The following AKAP6 variants were observed in gnomAD, a reference collection of about 807,000 sequenced individuals.
AKAP6 encodes A-kinase anchoring protein 6, also known as A-kinase anchor protein 6.
AKAP6 carries 58 observed loss-of-function variants against 188.5 expected under a neutral mutation model. That is an observed-to-expected ratio of 0.31 (90% confidence interval 0.25 to 0.38). The LOEUF is 0.38. AKAP6 is among the 10% of genes least tolerant of loss of function. The probability of loss-of-function intolerance (pLI) is 1.00; values close to 1 mark genes in which losing one functional copy is unlikely to be tolerated. For synonymous variants in AKAP6, 989 were observed against 998.6 expected (o/e 0.99, Z 0.18); for missense variants, 2,710 against 2,740.0 (o/e 0.99, Z 0.24).
intron 8 of AKAP6, among the ~76,000 whole-genome samples, chr14:32,683,718 T>C (rs1426460737): frequency 6.6e-6 from 1 of 152,202 alleles, no homozygotes; most frequent in African/African-American, 2.4e-5. Flanking sequence ...GAGGAGGCAG[T>C]GTGTGCAAAC....
intron 13 of AKAP6, among the ~76,000 whole-genome samples, chr14:32,828,957 G>C (rs1157409266): frequency 1.3e-5 from 2 of 152,154 alleles, no homozygotes; most frequent in Non-Finnish European, 1.5e-5. Context: ...GCAAGACAAA[G>C]AGCATATTCG....
chr14:32,552,229 A>T (rs1883507662), intron 4 of AKAP6, among the ~76,000 whole-genome samples: 1 of 152,228 alleles, frequency 6.6e-6, no homozygotes, highest in South Asian at 2.1e-4. Flanking sequence ...ACAGCTAATA[A>T]GTTACAGAGC....
chr14:32,595,184 G>A (rs895888790), intron 5 of AKAP6, among the ~76,000 whole-genome samples: 3 of 152,006 alleles, frequency 2.0e-5, no homozygotes, highest in African/African-American at 7.2e-5. Flanking sequence ...ATATGCAACA[G>A]CTAGAAAGAT....
intron 5 of AKAP6, among the ~76,000 whole-genome samples, chr14:32,587,430 C>T (rs146015425): frequency 1.9e-4 from 29 of 152,242 alleles, no homozygotes; most frequent in African/African-American, 7.0e-4. Context: ...GGGGCAAAAG[C>T]ACGTTTGGAT....
At chr14:32,471,407 G>A (rs146745999) in intron 2 of AKAP6, among the ~76,000 whole-genome samples, 3 of 152,290 alleles carry the variant, frequency 2.0e-5, no homozygotes, top group African/African-American at 7.2e-5. Flanking sequence ...TATGGACGGT[G>A]GTAGTAATAA....
chr14:32,726,719 C>T (rs1453822424), intron 9 of AKAP6, among the ~76,000 whole-genome samples: 3 of 152,208 alleles, frequency 2.0e-5, no homozygotes, highest in African/African-American at 4.8e-5. Flanking sequence ...TTTACATTGA[C>T]CTTGACACCC....
At chr14:32,828,997 T>G (rs565793010) in intron 13 of AKAP6, among the ~76,000 whole-genome samples, 2 of 152,194 alleles carry the variant, frequency 1.3e-5, no homozygotes, top group Non-Finnish European at 2.9e-5. Context: ...CAACCTGATA[T>G]GAGAAATCAG....
At chr14:32,676,787 C>T (rs962454484) in intron 7 of AKAP6, among the ~76,000 whole-genome samples, 1 of 152,092 alleles carries the variant, frequency 6.6e-6, no homozygotes, top group Non-Finnish European at 1.5e-5. Context: ...TAAAAAGCAA[C>T]AACATAGGAA....
At chr14:32,612,968 C>T (rs964453888) in intron 7 of AKAP6, among the ~76,000 whole-genome samples, 2 of 152,148 alleles carry the variant, frequency 1.3e-5, no homozygotes, top group South Asian at 2.1e-4. Context: ...CTATTTGAAT[C>T]GCTATCAAAG....
At chr14:32,506,991 T>G (rs774565174) in intron 2 of AKAP6, among the ~76,000 whole-genome samples, 28 of 152,178 alleles carry the variant, frequency 1.8e-4, no homozygotes, top group Non-Finnish European at 3.7e-4. Flanking sequence ...TTTTTTTTCC[T>G]GAGTTATACA....
chr14:32,653,022 C>A (rs1302736597), intron 7 of AKAP6, among the ~76,000 whole-genome samples: 1 of 152,128 alleles, frequency 6.6e-6, no homozygotes, highest in African/African-American at 2.4e-5. Context: ...CACTACACTC[C>A]AGCCTGGGTG....
chr14:32,664,542 G>C (rs1473850387), intron 7 of AKAP6, among the ~76,000 whole-genome samples: 1 of 152,114 alleles, frequency 6.6e-6, no homozygotes, highest in East Asian at 1.9e-4. Context: ...AGAATTTTAA[G>C]TCACAATTTT....
chr14:32,451,976 G>A (rs1300444784), intron 2 of AKAP6, among the ~76,000 whole-genome samples: 3 of 141,704 alleles, frequency 2.1e-5, no homozygotes, highest in Admixed American at 7.0e-5. Flanking sequence ...ATAACTCTAT[G>A]CTATCATTTT....
At chr14:32,713,265 C>G (rs1435313167) in intron 9 of AKAP6, among the ~76,000 whole-genome samples, 1 of 151,954 alleles carries the variant, frequency 6.6e-6, no homozygotes, top group Non-Finnish European at 1.5e-5. Flanking sequence ...CTTTGTTGTT[C>G]CACTGATAGA....
intron 2 of AKAP6, among the ~76,000 whole-genome samples, chr14:32,489,399 G>C (rs1233294680): frequency 6.6e-6 from 1 of 151,980 alleles, no homozygotes. Flanking sequence ...TTATAGAGAT[G>C]ATGTCTCTCT....
At chr14:32,629,195 TGAA>T (rs1217533390) in intron 7 of AKAP6, among the ~76,000 whole-genome samples, 1 of 152,096 alleles carries the variant, frequency 6.6e-6, no homozygotes, top group African/African-American at 2.4e-5. Context: ...ATAAACTTTA[TGAA>T]GATTCGCTGT....
At position 32,545,343 on chromosome 14, in the gene AKAP6, C is replaced by T. The variant is rs33936626; in HGVS notation, c.690C>T (p.Tyr230=). The change falls in exon 4 of 14, where the codon TAC becomes TAT. Residue 230 remains tyrosine (Y), a synonymous_variant. Coordinates refer to ENST00000280979, the MANE Select transcript of AKAP6 (RefSeq NM_004274.5). ...TTACTGCATTCGAACTGTCTGACTACAGTCCAAGTGAGGATTTGCTCAGTG... is the reference window on the plus strand; with the variant it reads ...TTACTGCATTCGAACTGTCTGACTATAGTCCAAGTGAGGATTTGCTCAGTG... ...CGITAFELSD[Y]SPSEDLLSGL... 50,651 of 1,614,156 alleles carry T rather than the reference C, an allele frequency of 0.031. 1,051 individuals carry two copies. Among genetic ancestry groups the T allele is most frequent in the Non-Finnish European group, 0.039 (45,711 of 1,179,990 alleles).
chr14:32,443,039 T>G (rs1227446665), intron 2 of AKAP6, among the ~76,000 whole-genome samples: 5 of 65,088 alleles, frequency 7.7e-5, no homozygotes, highest in African/African-American at 1.7e-4. Context: ...AGCTATGGCA[T>G]GTGTTAGAGA....
At chr14:32,818,275 C>T (rs2140134720) in intron 12 of AKAP6, among the ~76,000 whole-genome samples, 1 of 152,262 alleles carries the variant, frequency 6.6e-6, no homozygotes, top group South Asian at 2.1e-4. Flanking sequence ...AAAGTTTAAT[C>T]TTTTCCTATG....
Sources: gnomAD v4.1 joint callset for allele counts (sites outside exome capture counted in the v4.1 genomes callset) on GRCh38, gnomAD v4.1.1 for gene constraint, MANE v1.5 for transcripts, NCBI Gene and HGNC (gene_info 2026-07-23, HGNC 2026-07-21) for gene names.